Variants in CDH18 observed in about 807,000 individuals in gnomAD.
CDH18 encodes cadherin-18.
A neutral mutation model predicts 67.9 loss-of-function variants in CDH18; 31 were observed. The observed-to-expected ratio is 0.46, with a 90% CI of 0.34 to 0.62. CDH18 has a LOEUF of 0.62. CDH18 is among the 20% of genes least tolerant of loss of function. CDH18 has a pLI of 0.01. For synonymous variants in CDH18, 362 were observed against 347.2 expected, an observed-to-expected ratio of 1.04 and a Z score of -0.48; for missense variants, 890 against 975.5, an observed-to-expected ratio of 0.91 and a Z score of 1.17.
rs145768215 is a variant in CDH18 at position 19,646,773 on chromosome 5, G to A, written c.644-34172C>T. ...AATAGTAAAGAAAGCAGGAATGAGA[G>A]AGCAATGCTAATACAGGGGATGGAT... On this transcript the variant is annotated intron_variant, in intron 5 of 12. Coordinates refer to ENST00000382275, the MANE Select transcript of CDH18 (RefSeq NM_004934.5). Among the ~76,000 whole-genome samples, 1,138 of 152,268 alleles carry A rather than the reference G, an allele frequency of 7.5e-3. 20 individuals are homozygous for A. Among genetic ancestry groups the A allele is most frequent in the African/African-American group, 0.026 (1,094 of 41,554 alleles).
At position 20,078,128 on chromosome 5, in the gene CDH18, C is replaced by A. The variant is rs76248773; in HGVS notation, c.-517-86114G>T. ...AGGCAACAGTCAGATTTACCTGCATCTTTAAAACAGTAATGTCATAATGCT... is the reference window on the plus strand; with the variant it reads ...AGGCAACAGTCAGATTTACCTGCATATTTAAAACAGTAATGTCATAATGCT... On this transcript the variant is annotated intron_variant, in intron 2 of 14. Transcript: ENST00000507958. Among the ~76,000 whole-genome samples, 756 of 152,304 alleles carry A rather than the reference C, an allele frequency of 5.0e-3. 10 individuals carry two copies. The highest frequency in any genetic ancestry group is 0.018 in the African/African-American group (730 of 41,570).
intron 2 of CDH18, among the ~76,000 whole-genome samples, chr5:19,998,314 TA>T (rs1174187429): frequency 2.6e-5 from 4 of 152,062 alleles, no homozygotes; most frequent in Non-Finnish European, 5.9e-5. Context: ...AATAAAAAAT[TA>T]AAATAGGATG....
chr5:19,709,405 A>G (rs1175395454), intron 5 of CDH18, among the ~76,000 whole-genome samples: 2 of 152,056 alleles, frequency 1.3e-5, no homozygotes, highest in Non-Finnish European at 2.9e-5. Context: ...CATCTCTACT[A>G]AAAATACAAA....
intron 2 of CDH18, among the ~76,000 whole-genome samples, chr5:20,179,196 A>C (rs1233610178): frequency 6.6e-6 from 1 of 152,188 alleles, no homozygotes; most frequent in Non-Finnish European, 1.5e-5. Flanking sequence ...TTTACTGAGC[A>C]CATACTAAAT....
chr5:19,916,695 T>C (rs1456574636), intron 2 of CDH18, among the ~76,000 whole-genome samples: 4 of 152,316 alleles, frequency 2.6e-5, no homozygotes, highest in South Asian at 2.1e-4. Flanking sequence ...ATTTTTTAAA[T>C]TGGAATTTGA....
intron 1 of CDH18, among the ~76,000 whole-genome samples, chr5:20,434,750 A>T (rs1749041189): frequency 6.6e-6 from 1 of 152,052 alleles, no homozygotes; most frequent in Admixed American, 6.6e-5. Flanking sequence ...AAGAGCCAAT[A>T]TGAATAAGGA....
chr5:20,254,492 T>C (rs1264279087), intron 2 of CDH18, among the ~76,000 whole-genome samples: 1 of 152,088 alleles, frequency 6.6e-6, no homozygotes, highest in African/African-American at 2.4e-5. Flanking sequence ...GCAGAAGAAA[T>C]AAAACCTTTG....
At chr5:19,952,235 G>A (rs1280748648) in intron 2 of CDH18, among the ~76,000 whole-genome samples, 1 of 151,988 alleles carries the variant, frequency 6.6e-6, no homozygotes, top group East Asian at 1.9e-4. Flanking sequence ...GGTTTTAGTA[G>A]AGACAGGGTT....
chr5:20,333,996 G>T (rs1438798600), intron 1 of CDH18, among the ~76,000 whole-genome samples: 1 of 151,970 alleles, frequency 6.6e-6, no homozygotes, highest in East Asian at 1.9e-4. Context: ...AACGTTTGGG[G>T]TCATGTTTTG....
At chr5:19,831,691 G>A (rs1202050929) in intron 3 of CDH18, among the ~76,000 whole-genome samples, 1 of 152,082 alleles carries the variant, frequency 6.6e-6, no homozygotes, top group African/African-American at 2.4e-5. Context: ...AAGCAGGTTA[G>A]AGATTTCTCA....
intron 2 of CDH18, among the ~76,000 whole-genome samples, chr5:19,949,594 G>A (rs1404469884): frequency 6.6e-6 from 1 of 151,990 alleles, no homozygotes; most frequent in Non-Finnish European, 1.5e-5. Flanking sequence ...ATTCAAACAA[G>A]TACATCTTTC....
intron 12 of CDH18, among the ~76,000 whole-genome samples, chr5:19,479,172 A>G (rs930118975): frequency 6.6e-6 from 1 of 152,206 alleles, no homozygotes; most frequent in Non-Finnish European, 1.5e-5. Context: ...GAAAAACTGA[A>G]TGTGTGGCTT....
At chr5:19,729,059 C>A (rs549703305) in intron 4 of CDH18, among the ~76,000 whole-genome samples, 1 of 152,126 alleles carries the variant, frequency 6.6e-6, no homozygotes, top group Non-Finnish European at 1.5e-5. Context: ...GGCTGAGTAC[C>A]AAAACAAAAT....
At chr5:20,371,955 G>A (rs1471770570) in intron 1 of CDH18, among the ~76,000 whole-genome samples, 1 of 152,190 alleles carries the variant, frequency 6.6e-6, no homozygotes, top group Non-Finnish European at 1.5e-5. Context: ...TCTTCCTTAA[G>A]CCTTGCCATG....
intron 2 of CDH18, chr5:19,886,297 T>C (rs569680321): frequency 6.6e-6 from 1 of 152,268 alleles, no homozygotes; most frequent in South Asian, 2.1e-4. Context: ...AGTACCTGAT[T>C]TAGCTTTCGT....
At position 19,987,209 on chromosome 5, in the gene CDH18, CT is replaced by C. The variant is rs1272503758; in HGVS notation, c.-376+876del. On this transcript the variant is annotated intron_variant, in intron 1 of 12. Coordinates refer to ENST00000382275, the MANE Select transcript of CDH18 (RefSeq NM_004934.5). ...AGCTAATAAAATTCTATTTTTTCAC[CT>C]GTTACATATGAGAGGTTTGCCTAGA... Among the ~76,000 whole-genome samples the C allele has an allele frequency of 4.6e-5, 7 of 151,258 alleles. No individual in the cohort carries two copies. In the East Asian group the frequency reaches 1.4e-3, roughly 29 times the overall value.
intron 3 of CDH18, among the ~76,000 whole-genome samples, 153 bp from the exon 4 acceptor site, chr5:19,747,389 GTT>G (rs373293236): frequency 7.0e-6 from 1 of 142,986 alleles, no homozygotes; most frequent in Non-Finnish European, 1.5e-5. Context: ...CTTTTCTGCA[GTT>G]TTTTTTTTTC....
chr5:19,646,310 A>G (rs1327494523), intron 5 of CDH18, among the ~76,000 whole-genome samples: 1 of 152,128 alleles, frequency 6.6e-6, no homozygotes, highest in African/African-American at 2.4e-5. Context: ...TAAAAAAAAT[A>G]CAACATTCAT....
intron 5 of CDH18, among the ~76,000 whole-genome samples, chr5:19,677,556 A>G (rs78834676): frequency 0.049 from 7,482 of 152,128 alleles, 547 homozygotes; most frequent in African/African-American, 0.16. Context: ...AAAGCCACAC[A>G]TGCCAATATT....
Sources: gnomAD v4.1 joint callset for allele counts (sites outside exome capture counted in the v4.1 genomes callset) on GRCh38, gnomAD v4.1.1 for gene constraint, MANE v1.5 for transcripts, NCBI Gene and HGNC (gene_info 2026-07-23, HGNC 2026-07-21) for gene names.